Variants in AUTS2 observed in about 807,000 individuals in gnomAD.
AUTS2 encodes the protein activator of transcription and developmental regulator AUTS2.
A neutral mutation model predicts 112.4 loss-of-function variants in AUTS2; 17 were observed. The observed-to-expected ratio is 0.15, with a 90% CI of 0.10 to 0.23. The LOEUF is 0.23. Among genes scored for constraint, AUTS2 ranks in the 10% least tolerant of loss-of-function variants. The pLI is 1.00. For synonymous variants in AUTS2, 751 were observed against 702.7 expected (o/e 1.07, Z -1.09); for missense variants, 1,510 against 1,701.6 (o/e 0.89, Z 1.98).
chr7:69,767,557 T>C (rs552340656), intron 1 of AUTS2, among the ~76,000 whole-genome samples: 26 of 152,328 alleles, frequency 1.7e-4, no homozygotes, highest in African/African-American at 6.3e-4. Flanking sequence ...TAAACACTGA[T>C]ATCTCAGTCA....
intron 2 of AUTS2, among the ~76,000 whole-genome samples, chr7:69,920,255 GCTCTC>G (rs976202403): frequency 9.2e-5 from 14 of 151,730 alleles, no homozygotes; most frequent in East Asian, 5.8e-4. Flanking sequence ...TTTTGGCTTA[GCTCTC>G]CTCTCCTCTC....
intron 1 of AUTS2, among the ~76,000 whole-genome samples, chr7:69,849,728 C>G (rs1023085267): frequency 2.6e-5 from 4 of 152,060 alleles, no homozygotes; most frequent in African/African-American, 9.7e-5. Context: ...TTTAAACTCA[C>G]TGTAATGCTA....
At chr7:70,516,102 C>T (rs1403890248) in intron 5 of AUTS2, among the ~76,000 whole-genome samples, 2 of 152,208 alleles carry the variant, frequency 1.3e-5, no homozygotes, top group African/African-American at 4.8e-5. Flanking sequence ...TTTAATAGCT[C>T]TTTCAGATGA....
At chr7:70,087,881 AT>A (rs1490901707) in intron 2 of AUTS2, among the ~76,000 whole-genome samples, 3 of 152,148 alleles carry the variant, frequency 2.0e-5, no homozygotes, top group Non-Finnish European at 4.4e-5. Flanking sequence ...TCCAAATTCA[AT>A]TTGTTTAATT....
chr7:70,251,168 A>G (rs894063807), intron 4 of AUTS2, among the ~76,000 whole-genome samples: 1 of 151,742 alleles, frequency 6.6e-6, no homozygotes, highest in African/African-American at 2.4e-5. Flanking sequence ...AGGTTCATAC[A>G]GTTCTCCTGC....
intron 5 of AUTS2, among the ~76,000 whole-genome samples, chr7:70,666,408 G>A (rs773190840): frequency 1.3e-5 from 2 of 152,150 alleles, no homozygotes; most frequent in South Asian, 2.1e-4. Flanking sequence ...AAGAGAAATC[G>A]GTTCTGGAAG....
intron 1 of AUTS2, among the ~76,000 whole-genome samples, chr7:69,825,066 ATTTC>A (rs936676596): frequency 1.3e-5 from 2 of 152,274 alleles, no homozygotes; most frequent in East Asian, 1.9e-4. Context: ...TTAGAAAGAA[ATTTC>A]TTTATTTAGC....
chr7:70,655,584 G>C (rs10244956), intron 5 of AUTS2, among the ~76,000 whole-genome samples: 107,343 of 152,164 alleles, frequency 0.71, 38,061 homozygotes, highest in South Asian at 0.85. Flanking sequence ...GTGCTGTTCT[G>C]TTTGAGCAGG....
chr7:69,846,814 T>C (rs1167933578), intron 1 of AUTS2, among the ~76,000 whole-genome samples: 2 of 152,216 alleles, frequency 1.3e-5, no homozygotes, highest in South Asian at 2.1e-4. Context: ...CCTCAAGTGA[T>C]CCGCCTGCCT....
At chr7:69,824,971 C>T (rs943976339) in intron 1 of AUTS2, among the ~76,000 whole-genome samples, 2 of 152,184 alleles carry the variant, frequency 1.3e-5, no homozygotes, top group African/African-American at 2.4e-5. Context: ...CACTATACTT[C>T]GGTGGCTCCT....
chr7:69,724,874 T>C (rs1238142128), intron 1 of AUTS2, among the ~76,000 whole-genome samples: 2 of 152,240 alleles, frequency 1.3e-5, no homozygotes, highest in African/African-American at 2.4e-5. Flanking sequence ...TTCTGGATTA[T>C]TGATTTGTAT....
chr7:69,709,454 T>C (rs1296971533), intron 1 of AUTS2, among the ~76,000 whole-genome samples: 1 of 152,190 alleles, frequency 6.6e-6, no homozygotes, highest in Non-Finnish European at 1.5e-5. Flanking sequence ...TTTCACTTCA[T>C]AGTGTTTCTA....
chr7:69,600,162 G>T (rs1406081426), intron 1 of AUTS2, among the ~76,000 whole-genome samples, 200 bp downstream of exon 1: 1 of 152,088 alleles, frequency 6.6e-6, no homozygotes, highest in East Asian at 1.9e-4. Context: ...TCGCAAAGCC[G>T]TGCCTGGTCT....
intron 1 of AUTS2, among the ~76,000 whole-genome samples, chr7:69,788,571 G>A (rs570161740): frequency 5.3e-5 from 8 of 152,222 alleles, no homozygotes; most frequent in East Asian, 1.9e-4. Context: ...TTACAGTAGC[G>A]TTCCTCTGGT....
chr7:70,037,748 T>C (rs1452849632), intron 2 of AUTS2, among the ~76,000 whole-genome samples: 1 of 152,162 alleles, frequency 6.6e-6, no homozygotes, highest in Non-Finnish European at 1.5e-5. Context: ...GCTCTGCCAC[T>C]TCCTGGACAT....
intron 2 of AUTS2, among the ~76,000 whole-genome samples, chr7:69,991,961 T>C (rs1048048175): frequency 6.6e-6 from 1 of 152,222 alleles, no homozygotes; most frequent in African/African-American, 2.4e-5. Context: ...TTTTTGTTTA[T>C]ATATATGGTT....
intron 1 of AUTS2, among the ~76,000 whole-genome samples, chr7:69,878,725 A>AT (rs1352885714): frequency 6.6e-6 from 1 of 152,200 alleles, no homozygotes; most frequent in African/African-American, 2.4e-5. Context: ...AGAGCAGTAC[A>AT]TTTTTAACTA....
intron 4 of AUTS2, among the ~76,000 whole-genome samples, chr7:70,339,775 C>A (rs1036937660): frequency 2.0e-5 from 3 of 152,042 alleles, no homozygotes; most frequent in African/African-American, 7.2e-5. Flanking sequence ...TTTTTTGGTT[C>A]ATGAAGAGTC....
chr7:69,715,878 AT>A (rs1382575964), intron 1 of AUTS2, among the ~76,000 whole-genome samples: 2 of 152,182 alleles, frequency 1.3e-5, no homozygotes, highest in African/African-American at 2.4e-5. Flanking sequence ...TAATTATTTC[AT>A]TTTGTGAATG....
Sources: gnomAD v4.1 joint callset for allele counts (sites outside exome capture counted in the v4.1 genomes callset) on GRCh38, gnomAD v4.1.1 for gene constraint, MANE v1.5 for transcripts, NCBI Gene and HGNC (gene_info 2026-07-23, HGNC 2026-07-21) for gene names.